FER: variants seen among roughly 807,000 people sequenced by gnomAD.
FER encodes the protein FER tyrosine kinase.
A neutral mutation model predicts 111.0 loss-of-function variants in FER; 63 were observed. The ratio of observed to expected loss-of-function variants is 0.57; its 90% CI spans 0.46 to 0.70. FER has a LOEUF of 0.70. Among genes scored for constraint, FER ranks in the 30% least tolerant of loss-of-function variants. The probability of loss-of-function intolerance (pLI) is 0.00; values close to 1 mark genes in which losing one functional copy is unlikely to be tolerated. For synonymous variants in FER, 327 were observed against 313.9 expected (o/e 1.04, Z -0.44); for missense variants, 914 against 954.0 (o/e 0.96, Z 0.55).
chr5:108,768,530 C>T (rs1752563122), intron 2 of FER, among the ~76,000 whole-genome samples: 1 of 152,186 alleles, frequency 6.6e-6, no homozygotes, highest in Admixed American at 6.5e-5. Flanking sequence ...ATATTTTCAA[C>T]CATTTGGCAC....
chr5:108,757,145 A>G (rs1751207487), intron 1 of FER, among the ~76,000 whole-genome samples: 1 of 152,174 alleles, frequency 6.6e-6, no homozygotes, highest in African/African-American at 2.4e-5. Flanking sequence ...TCTGTAGTAA[A>G]CTATTAATGG....
intron 5 of FER, among the ~76,000 whole-genome samples, chr5:108,839,579 T>TC (rs1047767199): frequency 2.8e-5 from 4 of 142,670 alleles, no homozygotes; most frequent in Admixed American, 6.9e-5. Flanking sequence ...TTTCTTTTTT[T>TC]TTTTTTTTTT....
chr5:109,117,355 CA>C (rs1475555988), intron 17 of FER, among the ~76,000 whole-genome samples: 1 of 151,778 alleles, frequency 6.6e-6, no homozygotes, highest in Non-Finnish European at 1.5e-5. Context: ...CCTATAATTC[CA>C]CTATTTCATG....
At chr5:109,184,017 G>A (rs757207667) in intron 18 of FER, among the ~76,000 whole-genome samples, 2 of 151,950 alleles carry the variant, frequency 1.3e-5, no homozygotes, top group Non-Finnish European at 2.9e-5. Flanking sequence ...ATACAAAATG[G>A]TAGAATACTC....
At chr5:109,122,823 T>C (rs796919217) in intron 17 of FER, among the ~76,000 whole-genome samples, 43 of 152,314 alleles carry the variant, frequency 2.8e-4, no homozygotes, top group African/African-American at 9.4e-4. Context: ...ATAATGACCT[T>C]CTTTGTCTCT....
chr5:108,965,703 A>G (rs1268199717), intron 13 of FER, among the ~76,000 whole-genome samples: 5 of 152,290 alleles, frequency 3.3e-5, no homozygotes, highest in African/African-American at 1.2e-4. Flanking sequence ...AGCATAAATC[A>G]TAATCTCTAC....
At chr5:109,143,689 C>A (rs1212739986) in intron 17 of FER, among the ~76,000 whole-genome samples, 1 of 142,302 alleles carries the variant, frequency 7.0e-6, no homozygotes, top group Non-Finnish European at 1.5e-5. Context: ...TTTTTGTCTT[C>A]CACCAATCTT....
intron 9 of FER, among the ~76,000 whole-genome samples, chr5:108,888,461 C>T (rs182654278): frequency 5.3e-5 from 8 of 151,882 alleles, no homozygotes; most frequent in Admixed American, 1.3e-4. Flanking sequence ...TTAAGAAGTA[C>T]GGTCAGAGGT....
chr5:109,082,406 C>T (rs1298397834), intron 16 of FER, among the ~76,000 whole-genome samples: 1 of 152,036 alleles, frequency 6.6e-6, no homozygotes, highest in African/African-American at 2.4e-5. Flanking sequence ...ACCTGGAAAA[C>T]TGCTATAGTC....
intron 5 of FER, among the ~76,000 whole-genome samples, chr5:108,846,487 T>C (rs914856420): frequency 1.4e-4 from 21 of 152,090 alleles, no homozygotes; most frequent in African/African-American, 5.1e-4. Flanking sequence ...GTTTGGTAGG[T>C]TGTCTTTTCA....
chr5:108,873,342 G>T (rs1253005264), intron 8 of FER, among the ~76,000 whole-genome samples: 1 of 151,848 alleles, frequency 6.6e-6, no homozygotes, highest in Non-Finnish European at 1.5e-5. Context: ...ATGGGGTTTT[G>T]CCCTGCTGGC....
At chr5:108,795,750 A>G (rs2150038197) in intron 2 of FER, among the ~76,000 whole-genome samples, 1 of 152,318 alleles carries the variant, frequency 6.6e-6, no homozygotes, top group East Asian at 1.9e-4. Flanking sequence ...TTATCTAGAT[A>G]GAATTCTAAA....
At chr5:108,851,880 A>G (rs1233555272) in intron 5 of FER, among the ~76,000 whole-genome samples, 1 of 152,194 alleles carries the variant, frequency 6.6e-6, no homozygotes, top group African/African-American at 2.4e-5. Flanking sequence ...AGGAGTCTGA[A>G]TGCTTCTGCT....
At chr5:109,058,932 G>C (rs114227777) in intron 16 of FER, among the ~76,000 whole-genome samples, 2,922 of 150,698 alleles carry the variant, frequency 0.019, 104 homozygotes, top group African/African-American at 0.068. Flanking sequence ...CAAAAACAGG[G>C]TTTCACCATG....
chr5:109,189,720 C>G lies in FER; in HGVS notation c.*2145C>G, dbSNP rs915503683. The G allele has an allele frequency of 2.0e-5, 3 of 152,004 alleles. No homozygotes were observed. The highest frequency in any genetic ancestry group is 7.3e-5 in the African/African-American group (3 of 41,370). 9.4% of individuals were successfully genotyped at this position (152,004 alleles called of 1,614,324 possible). A position where few individuals can be genotyped will look rare whatever the true frequency, so the allele number is the denominator to read the frequency against. On this transcript the variant is annotated 3_prime_UTR_variant, in exon 20 of 20. Transcript: ENST00000281092. ...TGTCTGTTTAAAGAAAACAGCCTCC[C>G]ATCTCATAGTGGCTTCATGCTAAGC...
At chr5:108,879,586 A>G (rs555306147) in intron 8 of FER, among the ~76,000 whole-genome samples, 1 of 150,732 alleles carries the variant, frequency 6.6e-6, no homozygotes, top group African/African-American at 2.4e-5. Flanking sequence ...TAATTACTCA[A>G]ATGTTTTTCT....
intron 13 of FER, among the ~76,000 whole-genome samples, chr5:108,963,579 A>AAACC (rs1387802420): frequency 1.3e-5 from 2 of 152,174 alleles, no homozygotes; most frequent in Non-Finnish European, 2.9e-5. Flanking sequence ...AAAACAAAAC[A>AAACC]AAAAACAAAA....
chr5:109,119,223 G>A (rs1302938871), intron 17 of FER, among the ~76,000 whole-genome samples: 1 of 152,040 alleles, frequency 6.6e-6, no homozygotes, highest in African/African-American at 2.4e-5. Context: ...TGTTCTCATT[G>A]GTTTCAAAGA....
intron 13 of FER, among the ~76,000 whole-genome samples, chr5:108,997,658 G>C (rs1764171786): frequency 6.6e-6 from 1 of 152,180 alleles, no homozygotes; most frequent in East Asian, 1.9e-4. Flanking sequence ...CTCCGGTGCT[G>C]TGCTGGGAGA....
Sources: gnomAD v4.1 joint callset for allele counts (sites outside exome capture counted in the v4.1 genomes callset) on GRCh38, gnomAD v4.1.1 for gene constraint, MANE v1.5 for transcripts, NCBI Gene and HGNC (gene_info 2026-07-23, HGNC 2026-07-21) for gene names.